The following CLEC16A variants were observed in gnomAD, a reference collection of about 807,000 sequenced individuals.
The protein encoded by CLEC16A is protein CLEC16A.
In CLEC16A, 51 loss-of-function variants were observed where a neutral mutation model predicts 109.5. The ratio of observed to expected loss-of-function variants is 0.47; its 90% CI spans 0.37 to 0.59. The LOEUF (loss-of-function observed/expected upper bound fraction) is 0.59. Ranked by LOEUF, CLEC16A falls within the 20% of genes least tolerant of loss-of-function variation. The probability of loss-of-function intolerance (pLI) is 0.00; values close to 1 mark genes in which losing one functional copy is unlikely to be tolerated. For missense variants in CLEC16A, 1,339 were observed against 1,394.0 expected (o/e 0.96, Z 0.63); for synonymous variants, 673 against 564.2 (o/e 1.19, Z -2.73).
chr16:11,055,670 C>G (rs536346829), intron 18 of CLEC16A, among the ~76,000 whole-genome samples: 1 of 139,754 alleles, frequency 7.2e-6, no homozygotes, highest in Admixed American at 7.5e-5. Flanking sequence ...TCACTGCAAC[C>G]TGCTCCTCCT....
chr16:11,131,826 C>T (rs531752618), intron 22 of CLEC16A, among the ~76,000 whole-genome samples: 9 of 152,342 alleles, frequency 5.9e-5, no homozygotes, highest in Admixed American at 3.9e-4. Context: ...AGCCCTCTCT[C>T]CCCTCGGCTC....
chr16:10,990,748 A>C (rs1299888647), intron 10 of CLEC16A, among the ~76,000 whole-genome samples: 51 of 152,160 alleles, frequency 3.4e-4, no homozygotes, highest in Admixed American at 3.3e-3. Context: ...CTCCATGTAG[A>C]ATGGGGACCT....
At chr16:11,146,376 G>A (rs2054057157) in intron 22 of CLEC16A, among the ~76,000 whole-genome samples, 1 of 152,174 alleles carries the variant, frequency 6.6e-6, no homozygotes, top group Non-Finnish European at 1.5e-5. Flanking sequence ...AGACATATAG[G>A]TAGTGCTTGG....
chr16:11,166,281 C>T, intron 22 of CLEC16A, 107 bp from the exon 23 acceptor site: 3 of 1,268,150 alleles, frequency 2.4e-6, no homozygotes, highest in Non-Finnish European at 3.2e-6. Context: ...GGGAACAGAG[C>T]AGGACTTTCA....
Position 10,969,262 on chromosome 16 carries a change from C to G in CLEC16A, c.445C>G (p.Leu149Val). The change falls in exon 4 of 24, where the codon CTT (leucine) becomes GTT (valine). Residue 149 changes from leucine to valine, a missense_variant. By Grantham distance (32) the Leu-to-Val change is conservative (BLOSUM62 1). This residue lies in a region of CLEC16A where 161 missense variants were observed against 267.1 expected (regional missense o/e 0.60). Transcript: ENST00000409790. ...CTATTATATATCGTTCCTGAAAACA[C>G]TTTCGTTAAAACTCAACAACCACAC... ...MAYYISFLKTLSLKLNNHTVH... is the reference protein window; with the variant it reads ...MAYYISFLKTVSLKLNNHTVH... The G allele has an allele frequency of 6.2e-7, 1 of 1,611,614 alleles. No individual in the cohort carries two copies. Among genetic ancestry groups the G allele is most frequent in the East Asian group, 2.2e-5 (1 of 44,834 alleles).
At chr16:11,092,517 C>T (rs1899527826) in intron 19 of CLEC16A, among the ~76,000 whole-genome samples, 1 of 152,138 alleles carries the variant, frequency 6.6e-6, no homozygotes, top group South Asian at 2.1e-4. Flanking sequence ...GCACTCCAGC[C>T]TGGCTCTGTC....
At chr16:11,166,613 T>C in intron 23 of CLEC16A, 61 bp downstream of exon 23, 1 of 1,470,404 alleles carries the variant, frequency 6.8e-7, no homozygotes, top group Non-Finnish European at 9.0e-7. Flanking sequence ...TCCCTCACCA[T>C]TACCAAAACC....
intron 23 of CLEC16A, among the ~76,000 whole-genome samples, chr16:11,169,375 C>T (rs2068410133): frequency 6.6e-6 from 1 of 152,220 alleles, no homozygotes; most frequent in African/African-American, 2.4e-5. Flanking sequence ...CAACCTCCAC[C>T]TCCCAGATTC....
At chr16:11,155,964 C>T (rs1263192195) in intron 22 of CLEC16A, among the ~76,000 whole-genome samples, 2 of 152,328 alleles carry the variant, frequency 1.3e-5, no homozygotes, top group East Asian at 3.9e-4. Context: ...ACACACGGAG[C>T]AGGCCAAACA....
At chr16:10,948,239 G>T (rs908182994) in intron 1 of CLEC16A, among the ~76,000 whole-genome samples, 4 of 152,306 alleles carry the variant, frequency 2.6e-5, no homozygotes, top group Middle Eastern at 3.4e-3. Flanking sequence ...GAAAGGTTGA[G>T]AAGATAGCAC....
rs199581112 is a variant in CLEC16A at position 11,166,514 on chromosome 16, G to A, written c.2768G>A (p.Ser923Asn). ...STSHCDSGGT[S>N]SSSTPSTAQS... is the part of the protein sequence containing the mutation. The stretch of plus-strand genomic sequence containing the variant: ...AGCCACTGCGACTCTGGAGGCACCA[G>A]CTCGTCCTCCACCCCCTCCACAGCC... Residue 923 changes from serine (S) to asparagine (N), a missense_variant, in exon 23 of 24, where the codon AGC becomes AAC. Physicochemically the swap from Ser to Asn is conservative, Grantham distance 46. Transcript: ENST00000409790. 55 of 1,608,404 alleles carry A rather than the reference G, an allele frequency of 3.4e-5. No individual in the cohort carries two copies. The highest frequency in any genetic ancestry group is 4.5e-5 in the Non-Finnish European group (53 of 1,179,218).
chr16:11,007,749 G>A (rs1176165335), intron 11 of CLEC16A, among the ~76,000 whole-genome samples: 50 of 152,150 alleles, frequency 3.3e-4, no homozygotes, highest in Non-Finnish European at 1.5e-5. Flanking sequence ...AATTTCTACA[G>A]CTAGTAAGTG....
chr16:11,122,867 C>G (rs932766035), intron 20 of CLEC16A, among the ~76,000 whole-genome samples: 39 of 147,662 alleles, frequency 2.6e-4, no homozygotes, highest in African/African-American at 9.8e-4. Context: ...TCCTTCAAAT[C>G]TCTGCTCAAT....
At chr16:11,048,971 A>T (rs1227854733) in intron 17 of CLEC16A, among the ~76,000 whole-genome samples, 1 of 151,992 alleles carries the variant, frequency 6.6e-6, no homozygotes, top group Admixed American at 6.6e-5. Context: ...TTGACAATGC[A>T]ACCTTGAGTG....
At chr16:10,998,944 C>G (rs1195160319) in intron 10 of CLEC16A, among the ~76,000 whole-genome samples, 2 of 152,208 alleles carry the variant, frequency 1.3e-5, no homozygotes, top group Non-Finnish European at 2.9e-5. Context: ...CAGCCAAATT[C>G]TACCAGCCTC....
intron 1 of CLEC16A, among the ~76,000 whole-genome samples, chr16:10,951,670 A>T (rs923515101): frequency 3.3e-5 from 5 of 152,254 alleles, no homozygotes; most frequent in African/African-American, 1.2e-4. Context: ...AGGAAGCTTC[A>T]TCTGTTTTAC....
chr16:11,094,397 T>C (rs1439085070), intron 19 of CLEC16A, among the ~76,000 whole-genome samples: 1 of 152,224 alleles, frequency 6.6e-6, no homozygotes, highest in Non-Finnish European at 1.5e-5. Context: ...CAGAGCCGGC[T>C]TCATCTACAG....
intron 18 of CLEC16A, among the ~76,000 whole-genome samples, chr16:11,057,970 G>A (rs546462623): frequency 6.6e-6 from 1 of 152,226 alleles, no homozygotes; most frequent in Non-Finnish European, 1.5e-5. Context: ...GCAGGCCATG[G>A]GGAATCAAGA....
chr16:11,122,944 C>T lies in CLEC16A; in HGVS notation c.2269-798C>T, dbSNP rs1208876014. Among the ~76,000 whole-genome samples, 3 of 114,836 alleles carry T rather than the reference C, an allele frequency of 2.6e-5. No homozygotes were observed. The Admixed American group carries it at 3.5e-4, about 13-fold the overall frequency. 75.3% of individuals were successfully genotyped at this position (114,836 alleles called of 152,430 possible). ...TTTGAGATGGAGTCTCATTCTGTTG[C>T]CCGGGCTGGAGTGCAGTGGTTCGAT... On this transcript the variant is annotated intron_variant, in intron 20 of 23. Coordinates refer to ENST00000409790, the MANE Select transcript of CLEC16A (RefSeq NM_015226.3).
Sources: allele counts gnomAD v4.1 joint callset (sites outside exome capture counted in the v4.1 genomes callset), GRCh38; gene constraint gnomAD v4.1.1; regional missense constraint gnomAD v4.1.1; transcripts MANE v1.5; gene names NCBI Gene and HGNC (gene_info 2026-07-23, HGNC 2026-07-21).